The following TOR3A variants were observed in gnomAD, a reference collection of about 807,000 sequenced individuals.
TOR3A encodes torsin-3A.
TOR3A carries 44 observed loss-of-function variants against 42.1 expected under a neutral mutation model. The ratio of observed to expected loss-of-function variants is 1.04; its 90% CI spans 0.82 to 1.34. The LOEUF is 1.34. Ranked by LOEUF, TOR3A falls within the 40% of genes most tolerant of loss-of-function variation. The probability of loss-of-function intolerance (pLI) is 0.00; values close to 1 mark genes in which losing one functional copy is unlikely to be tolerated. For missense variants in TOR3A, 521 were observed against 507.6 expected (o/e 1.03, Z -0.25); for synonymous variants, 227 against 213.2 (o/e 1.06, Z -0.57).
At chr1:179,087,802 GAA>G in intron 3 of TOR3A, 107 bp from the exon 4 acceptor site, 2 of 1,040,466 alleles carry the variant, frequency 1.9e-6, no homozygotes, top group Non-Finnish European at 2.7e-6. Context: ...GGGGGGTGGG[GAA>G]CCCAGCCCCA....
intron 3 of TOR3A, among the ~76,000 whole-genome samples, chr1:179,086,517 T>G (rs1380934159): frequency 5.9e-5 from 9 of 151,994 alleles, no homozygotes; most frequent in Non-Finnish European, 1.3e-4. Flanking sequence ...ATACAAAAAC[T>G]TAGCTGGGCG....
intron 4 of TOR3A, 48 bp from the exon 5 acceptor site, chr1:179,094,045 G>A (rs371125829): frequency 6.3e-7 from 1 of 1,596,096 alleles, no homozygotes; most frequent in Non-Finnish European, 8.5e-7. Flanking sequence ...TAACATATAT[G>A]GAAGCTAAAT....
At chr1:179,087,548 T>C (rs189422041) in intron 3 of TOR3A, among the ~76,000 whole-genome samples, 458 of 152,276 alleles carry the variant, frequency 3.0e-3, no homozygotes, top group Non-Finnish European at 5.6e-3. Context: ...TGTGTGGACA[T>C]TGTTAGCTCC....
chr1:179,090,942 A>G (rs1181414183), intron 4 of TOR3A, among the ~76,000 whole-genome samples: 4 of 152,122 alleles, frequency 2.6e-5, no homozygotes, highest in African/African-American at 9.7e-5. Context: ...ACAAATAGAA[A>G]TTATTTGTGG....
chr1:179,093,862 A>G (rs561214385), intron 4 of TOR3A, among the ~76,000 whole-genome samples: 9 of 152,250 alleles, frequency 5.9e-5, no homozygotes, highest in African/African-American at 1.9e-4. Flanking sequence ...CAGTCTCAGT[A>G]AGTGTGTGTC....
intron 4 of TOR3A, among the ~76,000 whole-genome samples, chr1:179,089,291 C>T (rs576912182): frequency 1.8e-4 from 27 of 149,854 alleles, no homozygotes; most frequent in South Asian, 4.2e-4. Context: ...ATTGCACTCC[C>T]GCCTGGGCAA....
At chr1:179,087,882 TC>T (rs1349129899) in intron 3 of TOR3A, 28 bp from the exon 4 acceptor site, 1 of 1,515,088 alleles carries the variant, frequency 6.6e-7, no homozygotes. Flanking sequence ...AGTCACCACT[TC>T]CCCAGCTGCT....
chr1:179,092,737 A>T (rs1010626324), intron 4 of TOR3A, among the ~76,000 whole-genome samples: 2 of 152,092 alleles, frequency 1.3e-5, no homozygotes, highest in Non-Finnish European at 2.9e-5. Flanking sequence ...GCTACTTGGG[A>T]GGCTGAGGCA....
chr1:179,088,192 A>G, intron 4 of TOR3A, 103 bp downstream of exon 4: 1 of 1,244,924 alleles, frequency 8.0e-7, no homozygotes, highest in Non-Finnish European at 1.1e-6. Flanking sequence ...TTTCCTCAAG[A>G]AAAAACAGCA....
At position 179,095,413 on chromosome 1, in the gene TOR3A, G is replaced by GCGGC; in HGVS notation, c.*195_*196insCGGC. The GCGGC allele has an allele frequency of 3.7e-6, 5 of 1,366,606 alleles. No individual in the cohort carries two copies. The highest frequency in any genetic ancestry group is 1.9e-5 in the South Asian group (1 of 52,900). The allele number at this position is 1,366,606 out of a possible 1,614,324, so 84.7% of individuals were successfully genotyped here. On this transcript the variant is annotated 3_prime_UTR_variant, in exon 6 of 6. Transcript: ENST00000367627. ...CAAGCCAATCCTTTTTCTTTTTTTT[G>GCGGC]GAGGTCCCACCGAGATAGATAGGAA...
At chr1:179,089,479 A>G (rs1414075550) in intron 4 of TOR3A, among the ~76,000 whole-genome samples, 5 of 152,092 alleles carry the variant, frequency 3.3e-5, no homozygotes, top group Admixed American at 2.6e-4. Context: ...GATTTTTAAG[A>G]GGAGAGAGAG....
chr1:179,082,954 C>A lies in TOR3A; in HGVS notation c.274C>A (p.Leu92Met). 6.3e-7 allele frequency: 1 copy of A among 1,577,048 alleles called. No homozygotes were observed. Among genetic ancestry groups the A allele is most frequent in the Non-Finnish European group, 8.6e-7 (1 of 1,161,798 alleles). Reference sequence around the variant, plus strand: ...TCCTTTTCCAGGCTGGCGCCTTCCTCTGTTGGGCCAGCGGTACCTGGACCT... The same window carrying A: ...TCCTTTTCCAGGCTGGCGCCTTCCTATGTTGGGCCAGCGGTACCTGGACCT... ...ATGPLGWRLP[L>M]LGQRYLDLLT... is the part of the protein sequence containing the mutation. Residue 92 changes from leucine to methionine, a missense_variant, in exon 2 of 6, where the codon CTG becomes ATG. Coordinates refer to ENST00000367627, the MANE Select transcript of TOR3A (RefSeq NM_022371.4).
In TOR3A at chr1:179,094,099, CAG is replaced by C. The variant is rs1208391360; in HGVS notation, c.826_827del (p.Arg276GlyfsTer6). ...AAGCTCTTGTCTCTTTCAGTAATCTCAGGGGCGATATAATCAATGAGGTGGTC... is the reference window on the plus strand; with the variant it reads ...AAGCTCTTGTCTCTTTCAGTAATCTCGGGCGATATAATCAATGAGGTGGTC... ...WTIFLFLSNLRGDIINEVVLK... is the reference protein window; with the variant it reads ...WTIFLFLSNLXGDIINEVVLK... On this transcript the variant is annotated frameshift_variant, in exon 5 of 6. Coordinates refer to ENST00000367627, the MANE Select transcript of TOR3A (RefSeq NM_022371.4). LOFTEE classifies it high-confidence loss of function. 3 of 1,613,122 alleles carry C rather than the reference CAG, an allele frequency of 1.9e-6. No homozygotes were observed. Among genetic ancestry groups the C allele is most frequent in the Non-Finnish European group, 2.5e-6 (3 of 1,179,716 alleles).
In TOR3A at chr1:179,082,988, C is replaced by A; in HGVS notation, c.308C>A (p.Thr103Lys). 3 of 1,591,642 alleles carry A rather than the reference C, an allele frequency of 1.9e-6. No homozygotes were observed. The highest frequency in any genetic ancestry group is 1.7e-6 in the Non-Finnish European group (2 of 1,169,644). ...LGQRYLDLLT[T>K]WYCSFKDCCP... ...CAGCGGTACCTGGACCTCCTGACCA[C>A]GTGGTACTGCAGCTTCAAAGACTGC... Residue 103 changes from threonine (T) to lysine (K), a missense_variant, in exon 2 of 6, where the codon ACG becomes AAG. Coordinates refer to ENST00000367627, the MANE Select transcript of TOR3A (RefSeq NM_022371.4).
In TOR3A at chr1:179,090,352, A is replaced by G. The variant is rs56682789; in HGVS notation, c.818+2263A>G. On this transcript the variant is annotated intron_variant, in intron 4 of 5. Transcript: ENST00000367627. ...GGCTGTCCAGGGCAGCAGCCTCTCA[A>G]CCTCAAGTTCTCAGGTAGTCCAGCG... 5.3e-3 allele frequency among the ~76,000 whole-genome samples: 808 copies of G among 152,304 alleles called. 54 individuals are homozygous for G. In the East Asian group the frequency reaches 0.12, roughly 23 times the overall value.
intron 2 of TOR3A, among the ~76,000 whole-genome samples, chr1:179,084,632 G>A (rs1652380849): frequency 6.6e-6 from 1 of 152,216 alleles, no homozygotes; most frequent in African/African-American, 2.4e-5. Context: ...AGCAGCAAAT[G>A]TTAATTTTCT....
chr1:179,082,592 C>T (rs1322371881), intron 1 of TOR3A: 2 of 804,954 alleles, frequency 2.5e-6, no homozygotes, highest in South Asian at 3.2e-5. Flanking sequence ...GTCCCCTGCG[C>T]ACCCCCCTGG....
At position 179,095,924 on chromosome 1, in the gene TOR3A, A is replaced by C; in HGVS notation, c.*706A>C. The C allele has an allele frequency of 3.0e-6, 3 of 984,844 alleles. No homozygotes were observed. Among genetic ancestry groups the C allele is most frequent in the Non-Finnish European group, 3.6e-6 (3 of 829,796 alleles). 61.0% of individuals were successfully genotyped at this position (984,844 alleles called of 1,614,324 possible). ...TGGCGGGGGAGGGGGGACCTTTTCAAAGACAATAGGGGGTCTTGACATGTT... is the reference window on the plus strand; with the variant it reads ...TGGCGGGGGAGGGGGGACCTTTTCACAGACAATAGGGGGTCTTGACATGTT... On this transcript the variant is annotated 3_prime_UTR_variant, in exon 6 of 6. Transcript: ENST00000367627.
chr1:179,085,850 C>T lies in TOR3A; in HGVS notation c.596C>T (p.Ala199Val). The T allele has an allele frequency of 6.2e-7, 1 of 1,614,146 alleles. No homozygotes were observed. ...AGTGACTGTGTCAGGATGTTCATCG[C>T]CACGTTCCACTTTCCTCACCCCAAA... ...LMSDCVRMFIATFHFPHPKYV... is the reference protein window; with the variant it reads ...LMSDCVRMFIVTFHFPHPKYV... Residue 199 changes from alanine to valine, a missense_variant, in exon 3 of 6, where the codon GCC (alanine) becomes GTC (valine). Coordinates refer to ENST00000367627, the MANE Select transcript of TOR3A (RefSeq NM_022371.4).
Sources: gnomAD v4.1 joint callset for allele counts (sites outside exome capture counted in the v4.1 genomes callset) on GRCh38, gnomAD v4.1.1 for gene constraint, MANE v1.5 for transcripts, NCBI Gene and HGNC (gene_info 2026-07-23, HGNC 2026-07-21) for gene names.